Variants in CDH12 observed in about 807,000 individuals in gnomAD.
CDH12 encodes cadherin-12.
Under a neutral mutation model 74.1 loss-of-function variants are expected in CDH12, and 41 were observed. The observed-to-expected ratio is 0.55, with a 90% CI of 0.43 to 0.72. The LOEUF is 0.72. CDH12 is among the 30% of genes least tolerant of loss of function. The pLI, the probability that CDH12 is intolerant of heterozygous loss-of-function variation, is 0.00. For missense variants in CDH12, 945 were observed against 977.2 expected (o/e 0.97, Z 0.44); for synonymous variants, 399 against 355.0 (o/e 1.12, Z -1.39).
chr5:22,072,941 T>C (rs1166876379), intron 5 of CDH12, among the ~76,000 whole-genome samples: 1 of 152,086 alleles, frequency 6.6e-6, no homozygotes, highest in Admixed American at 6.6e-5. Context: ...GGTGTTGAGA[T>C]ATGTGGAAGT....
intron 4 of CDH12, among the ~76,000 whole-genome samples, chr5:22,127,469 C>G (rs1464623946): frequency 7.0e-6 from 1 of 142,226 alleles, no homozygotes; most frequent in East Asian, 2.0e-4. Flanking sequence ...AAGAGTGGAA[C>G]TCCATCTCGA....
intron 5 of CDH12, among the ~76,000 whole-genome samples, chr5:21,989,080 A>G (rs1006251142): frequency 2.0e-5 from 3 of 152,156 alleles, no homozygotes; most frequent in African/African-American, 7.2e-5. Context: ...AAGGCTTAAG[A>G]ATTTTGATGA....
At chr5:21,816,682 C>G (rs1485395169) in intron 9 of CDH12, among the ~76,000 whole-genome samples, 1 of 97,718 alleles carries the variant, frequency 1.0e-5, no homozygotes. Context: ...ATATAAGATA[C>G]AAACTATGTG....
intron 1 of CDH12, among the ~76,000 whole-genome samples, chr5:22,697,493 A>G (rs1365374106): frequency 6.8e-6 from 1 of 146,320 alleles, no homozygotes; most frequent in Non-Finnish European, 1.5e-5. Flanking sequence ...AATGGCGTGA[A>G]CCCGGGAGGC....
At chr5:22,255,079 C>T (rs545405053) in intron 3 of CDH12, among the ~76,000 whole-genome samples, 1 of 151,862 alleles carries the variant, frequency 6.6e-6, no homozygotes, top group Non-Finnish European at 1.5e-5. Context: ...TCATTCTACT[C>T]TGCATCTTCA....
At chr5:22,383,360 C>G (rs1741851547) in intron 3 of CDH12, among the ~76,000 whole-genome samples, 1 of 152,040 alleles carries the variant, frequency 6.6e-6, no homozygotes, top group Admixed American at 6.6e-5. Context: ...ACACAAAAAT[C>G]CAAAATGACT....
intron 1 of CDH12, among the ~76,000 whole-genome samples, chr5:22,712,995 G>T (rs1235107145): frequency 3.9e-5 from 6 of 151,996 alleles, no homozygotes; most frequent in African/African-American, 1.5e-4. Context: ...TACGATAGTG[G>T]CCAGGCATGT....
intron 3 of CDH12, among the ~76,000 whole-genome samples, chr5:22,357,790 G>T (rs866346100): frequency 5.9e-5 from 9 of 152,060 alleles, no homozygotes; most frequent in African/African-American, 1.7e-4. Context: ...CACATTACTT[G>T]CATTTCAATA....
chr5:22,469,903 G>T (rs1305588540), intron 2 of CDH12, among the ~76,000 whole-genome samples: 1 of 152,090 alleles, frequency 6.6e-6, no homozygotes, highest in African/African-American at 2.4e-5. Context: ...CAGAACTTCA[G>T]GATAATTCCT....
chr5:22,273,921 A>C (rs1736513931), intron 3 of CDH12, among the ~76,000 whole-genome samples: 1 of 152,170 alleles, frequency 6.6e-6, no homozygotes, highest in Non-Finnish European at 1.5e-5. Context: ...ACAGCATTCA[A>C]GTAGCATAAT....
At chr5:21,792,980 C>A (rs958649970) in intron 10 of CDH12, among the ~76,000 whole-genome samples, 1 of 151,698 alleles carries the variant, frequency 6.6e-6, no homozygotes, top group African/African-American at 2.4e-5. Flanking sequence ...GTGCAGTAAA[C>A]GTTGATATCT....
intron 2 of CDH12, among the ~76,000 whole-genome samples, chr5:22,459,768 C>T (rs750040901): frequency 1.5e-4 from 23 of 152,068 alleles, no homozygotes; most frequent in Non-Finnish European, 2.2e-4. Context: ...AGATCAAGAC[C>T]ATCCTGGTTA....
intron 1 of CDH12, among the ~76,000 whole-genome samples, chr5:22,717,488 C>A (rs1187477218): frequency 2.0e-5 from 3 of 152,106 alleles, no homozygotes; most frequent in Non-Finnish European, 4.4e-5. Flanking sequence ...GGACACGTTT[C>A]TCAGAACATA....
At chr5:22,209,543 C>T (rs1751411846) in intron 4 of CDH12, among the ~76,000 whole-genome samples, 1 of 151,748 alleles carries the variant, frequency 6.6e-6, no homozygotes, top group Non-Finnish European at 1.5e-5. Context: ...GAGAGTGTGT[C>T]AACCTCTCTT....
chr5:22,230,898 C>T (rs890166484), intron 3 of CDH12, among the ~76,000 whole-genome samples: 3 of 152,038 alleles, frequency 2.0e-5, no homozygotes, highest in African/African-American at 4.8e-5. Context: ...ATCAGGCCTA[C>T]GAATGATGAA....
At chr5:21,832,238 C>T (rs894009198) in intron 8 of CDH12, among the ~76,000 whole-genome samples, 1 of 152,010 alleles carries the variant, frequency 6.6e-6, no homozygotes, top group Non-Finnish European at 1.5e-5. Flanking sequence ...ACATGGTGAA[C>T]AGAACTAAGT....
intron 6 of CDH12, among the ~76,000 whole-genome samples, chr5:21,900,645 C>T (rs1753343430): frequency 6.6e-6 from 1 of 152,094 alleles, no homozygotes; most frequent in Non-Finnish European, 1.5e-5. Flanking sequence ...AAGGGTGGCC[C>T]ATTTCTGATT....
At chr5:21,977,518 G>T (rs1042746742) in intron 5 of CDH12, among the ~76,000 whole-genome samples, 1 of 152,110 alleles carries the variant, frequency 6.6e-6, no homozygotes, top group African/African-American at 2.4e-5. Context: ...TGGTAATATT[G>T]TGGGAACTGA....
At chr5:22,734,677 A>G (rs1744594208) in intron 1 of CDH12, among the ~76,000 whole-genome samples, 1 of 151,946 alleles carries the variant, frequency 6.6e-6, no homozygotes, top group African/African-American at 2.4e-5. Flanking sequence ...TTACCATGAA[A>G]AAGAATGATT....
Sources: allele counts gnomAD v4.1 joint callset (sites outside exome capture counted in the v4.1 genomes callset), GRCh38; gene constraint gnomAD v4.1.1; transcripts MANE v1.5; gene names NCBI Gene and HGNC (gene_info 2026-07-23, HGNC 2026-07-21).